ATP6V0E1: variants seen among roughly 807,000 people sequenced by gnomAD.
ATP6V0E1 encodes the protein V-type proton ATPase subunit e 1.
In ATP6V0E1, 4 loss-of-function variants were observed where a neutral mutation model predicts 11.6. The observed-to-expected ratio is 0.35, with a 90% CI of 0.17 to 0.79. ATP6V0E1 has a LOEUF of 0.79. Among genes scored for constraint, ATP6V0E1 ranks in the 30% least tolerant of loss-of-function variants. ATP6V0E1 has a pLI of 0.54. For missense variants in ATP6V0E1, 105 were observed against 100.0 expected (o/e 1.05, Z -0.21); for synonymous variants, 36 against 34.8 (o/e 1.04, Z -0.13).
At chr5:173,001,735 C>G (rs865968026) in intron 2 of ATP6V0E1, among the ~76,000 whole-genome samples, 2 of 151,098 alleles carry the variant, frequency 1.3e-5, no homozygotes, top group Non-Finnish European at 3.0e-5. Flanking sequence ...TCTTTTCCCC[C>G]GAGACGGAGT....
In ATP6V0E1 at chr5:172,989,530, AT is replaced by A. The variant is rs554701143; in HGVS notation, c.105-5231del. On this transcript the variant is annotated intron_variant, in intron 1 of 3. Transcript: ENST00000519374. ...TCCTTTATTTATCTCCTTACTGAAG[AT>A]TTTTTTTTTTTTTGAGACCTAGTCT... Among the ~76,000 whole-genome samples the A allele has an allele frequency of 2.6e-3, 376 of 144,218 alleles. 1 individual carries two copies. Among genetic ancestry groups the A allele is most frequent in the Middle Eastern group, 3.5e-3 (1 of 282 alleles). 94.6% of individuals were successfully genotyped at this position (144,218 alleles called of 152,430 possible).
chr5:172,989,940 A>G (rs900268619), intron 1 of ATP6V0E1, among the ~76,000 whole-genome samples: 2 of 152,050 alleles, frequency 1.3e-5, no homozygotes, highest in Admixed American at 6.6e-5. Context: ...GGCTCACACA[A>G]TCCTTCTGCT....
At chr5:173,027,357 C>CCTGACGTGGTGG (rs1554120008) in intron 3 of ATP6V0E1, among the ~76,000 whole-genome samples, 3 of 146,134 alleles carry the variant, frequency 2.1e-5, no homozygotes, top group East Asian at 4.1e-4. Flanking sequence ...AAAAAATGAG[C>CCTGACGTGGTGG]CTGACATGGT....
At chr5:172,990,259 G>A (rs925467907) in intron 1 of ATP6V0E1, among the ~76,000 whole-genome samples, 6 of 151,994 alleles carry the variant, frequency 3.9e-5, no homozygotes, top group African/African-American at 1.4e-4. Flanking sequence ...TTTTGCAACT[G>A]AAAAGGGCCA....
At chr5:172,989,364 T>C (rs1459203421) in intron 1 of ATP6V0E1, among the ~76,000 whole-genome samples, 1 of 152,118 alleles carries the variant, frequency 6.6e-6, no homozygotes, top group Non-Finnish European at 1.5e-5. Flanking sequence ...TCTTTTGCCC[T>C]TTCTTTTCCC....
intron 2 of ATP6V0E1, among the ~76,000 whole-genome samples, chr5:173,019,599 C>G (rs1021726731): frequency 4.1e-4 from 62 of 151,862 alleles, no homozygotes; most frequent in African/African-American, 1.4e-3. Context: ...ATTTTACTTC[C>G]TTTATAGTTT....
chr5:173,024,673 G>A (rs1262904428), intron 3 of ATP6V0E1, among the ~76,000 whole-genome samples: 2 of 152,000 alleles, frequency 1.3e-5, no homozygotes, highest in East Asian at 3.8e-4. Flanking sequence ...AGTGCTAGGT[G>A]CGTTTGTTGC....
chr5:173,000,847 T>G (rs1419125177), intron 2 of ATP6V0E1, among the ~76,000 whole-genome samples: 2 of 151,994 alleles, frequency 1.3e-5, no homozygotes, highest in African/African-American at 4.8e-5. Flanking sequence ...ACTACAGATG[T>G]GCGCCACCAT....
intron 1 of ATP6V0E1, among the ~76,000 whole-genome samples, chr5:172,993,728 A>G (rs1204573977): frequency 7.3e-6 from 1 of 137,214 alleles, no homozygotes; most frequent in East Asian, 2.4e-4. Flanking sequence ...AATATTAGCC[A>G]GGCCTGGTTG....
chr5:172,994,664 G>A, intron 1 of ATP6V0E1, 111 bp from the exon 2 acceptor site: 1 of 838,940 alleles, frequency 1.2e-6, no homozygotes, highest in Non-Finnish European at 1.8e-6. Flanking sequence ...CAATTTCTTG[G>A]TGTGCAATCC....
At chr5:173,025,778 G>A (rs1013093542) in intron 3 of ATP6V0E1, among the ~76,000 whole-genome samples, 1 of 151,984 alleles carries the variant, frequency 6.6e-6, no homozygotes, top group Middle Eastern at 3.2e-3. Context: ...GATTACAGGT[G>A]TGGGCCTCCA....
In ATP6V0E1 at chr5:173,020,546, A is replaced by C. The variant is rs1455617430; in HGVS notation, c.*36+179A>C. ...AGCCTTAGCTTACCTAAATCTCATT[A>C]AGATTCTTTTTAGATTCTGCTATCA... On this transcript the variant is annotated intron_variant, in intron 3 of 3. Transcript: ENST00000519374. 15 of 571,760 alleles carry C rather than the reference A, an allele frequency of 2.6e-5. No homozygotes were observed. The East Asian group carries it at 4.2e-4, about 16-fold the overall frequency. 35.4% of individuals were successfully genotyped at this position (571,760 alleles called of 1,614,324 possible). A position where few individuals can be genotyped will look rare whatever the true frequency, so the allele number is the denominator to read the frequency against.
chr5:173,017,618 G>A (rs1411036359), intron 2 of ATP6V0E1, among the ~76,000 whole-genome samples: 6 of 151,436 alleles, frequency 4.0e-5, no homozygotes, highest in African/African-American at 7.3e-5. Flanking sequence ...CAAGGTGGGC[G>A]GATCACAAGG....
intron 1 of ATP6V0E1, among the ~76,000 whole-genome samples, chr5:172,984,828 C>G (rs1220441306): frequency 6.6e-6 from 1 of 152,208 alleles, no homozygotes; most frequent in East Asian, 1.9e-4. Flanking sequence ...GAAACACCAT[C>G]TCTTGCTTTA....
Position 173,035,349 on chromosome 5 carries a change from A to G in ATP6V0E1, c.*987A>G, listed in dbSNP as rs1372744796. ...GATTAAAAAGCCAGGGGCAGGAGAC[A>G]GTAATTTTGTATTTCAGTAGCAGGC... On this transcript the variant is annotated 3_prime_UTR_variant, in exon 4 of 4. Coordinates refer to ENST00000519374, the MANE Select transcript of ATP6V0E1 (RefSeq NM_003945.4). 6.6e-6 allele frequency: 1 copy of G among 152,198 alleles called. No individual in the cohort carries two copies. The highest frequency in any genetic ancestry group is 1.5e-5 in the Non-Finnish European group (1 of 68,040). 9.4% of individuals were successfully genotyped at this position (152,198 alleles called of 1,614,324 possible). A position where few individuals can be genotyped will look rare whatever the true frequency, so the allele number is the denominator to read the frequency against.
intron 3 of ATP6V0E1, among the ~76,000 whole-genome samples, chr5:173,029,592 A>G (rs1203609592): frequency 6.6e-6 from 1 of 151,856 alleles, no homozygotes; most frequent in East Asian, 1.9e-4. Context: ...CTGGTGTAGC[A>G]CTTCCTGAAA....
chr5:173,027,407 C>T (rs1756580689), intron 3 of ATP6V0E1, among the ~76,000 whole-genome samples: 1 of 149,524 alleles, frequency 6.7e-6, no homozygotes, highest in Admixed American at 6.7e-5. Flanking sequence ...GAGGCTGAGG[C>T]AGGAGAATGG....
chr5:173,032,249 T>TTTTA (rs1205061181), intron 3 of ATP6V0E1, among the ~76,000 whole-genome samples: 76 of 132,280 alleles, frequency 5.7e-4, no homozygotes, highest in Admixed American at 5.0e-4. Flanking sequence ...TTTTATTTTA[T>TTTTA]TTTATTTATT....
chr5:173,028,564 A>G lies in ATP6V0E1; in HGVS notation c.*37-5835A>G, dbSNP rs116393569. 6.6e-3 allele frequency among the ~76,000 whole-genome samples: 1,012 copies of G among 152,342 alleles called. 19 individuals are homozygous for G. Among genetic ancestry groups the G allele is most frequent in the African/African-American group, 0.023 (950 of 41,566 alleles). On this transcript the variant is annotated intron_variant, in intron 3 of 3. Transcript: ENST00000519374. ...TATGAAAGCTTTAGAATAATTTTATATAGATGAAATGGAATCAATCCAAAG... is the reference window on the plus strand; with the variant it reads ...TATGAAAGCTTTAGAATAATTTTATGTAGATGAAATGGAATCAATCCAAAG...
Sources: allele counts gnomAD v4.1 joint callset (sites outside exome capture counted in the v4.1 genomes callset), GRCh38; gene constraint gnomAD v4.1.1; transcripts MANE v1.5; gene names NCBI Gene and HGNC (gene_info 2026-07-23, HGNC 2026-07-21).